The following CELF4 variants were observed in gnomAD, a reference collection of about 807,000 sequenced individuals.
CELF4 encodes CUGBP Elav-like family member 4.
In CELF4, 18 loss-of-function variants were observed where a neutral mutation model predicts 59.9. The observed-to-expected ratio is 0.30, with a 90% CI of 0.21 to 0.45. CELF4 has a LOEUF of 0.45. Among genes scored for constraint, CELF4 ranks in the 20% least tolerant of loss-of-function variants. The pLI, the probability that CELF4 is intolerant of heterozygous loss-of-function variation, is 1.00. For missense variants in CELF4, 456 were observed against 689.0 expected (o/e 0.66, Z 3.79); for synonymous variants, 261 against 267.1 (o/e 0.98, Z 0.22).
chr18:37,347,026 G>C (rs1018547394), intron 2 of CELF4, among the ~76,000 whole-genome samples: 1 of 152,102 alleles, frequency 6.6e-6, no homozygotes, highest in Non-Finnish European at 1.5e-5. Flanking sequence ...AGGCTGAAGG[G>C]GGAGGGACAG....
rs570352362 is a variant in CELF4 at position 37,377,299 on chromosome 18, G to A, written c.370-55418C>T. Reference sequence around the variant, plus strand: ...CCTCCTGCTTCTGCAGGACCCTGAGGTCTACATGTCCCAAAAAACTGCCTC... The same window carrying A: ...CCTCCTGCTTCTGCAGGACCCTGAGATCTACATGTCCCAAAAAACTGCCTC... On this transcript the variant is annotated intron_variant, in intron 2 of 12. Coordinates refer to ENST00000420428, the MANE Select transcript of CELF4 (RefSeq NM_020180.4). Among the ~76,000 whole-genome samples, 170 of 152,252 alleles carry A rather than the reference G, an allele frequency of 1.1e-3. 1 individual carries two copies. Among genetic ancestry groups the A allele is most frequent in the African/African-American group, 3.7e-3 (152 of 41,542 alleles).
chr18:37,476,620 G>A (rs767367764), intron 2 of CELF4, among the ~76,000 whole-genome samples: 6 of 152,176 alleles, frequency 3.9e-5, no homozygotes, highest in Non-Finnish European at 8.8e-5. Flanking sequence ...CACAGTTCCG[G>A]ATCCCTGCAG....
chr18:37,268,265 T>G (rs560949729), intron 8 of CELF4, among the ~76,000 whole-genome samples: 1 of 152,256 alleles, frequency 6.6e-6, no homozygotes, highest in African/African-American at 2.4e-5. Flanking sequence ...TGTCCCTCTA[T>G]TTCCCCCATG....
chr18:37,274,033 T>C, intron 6 of CELF4: 1 of 1,283,328 alleles, frequency 7.8e-7, no homozygotes, highest in Non-Finnish European at 9.8e-7. Context: ...AGGAAAAGGC[T>C]CAGGGTAACC....
intron 2 of CELF4, among the ~76,000 whole-genome samples, chr18:37,395,691 A>G (rs621118): frequency 0.83 from 127,129 of 152,264 alleles, 53,141 homozygotes; most frequent in East Asian, 0.93. Context: ...GAGGCGCTGA[A>G]GTCCAATCCA....
intron 1 of CELF4, among the ~76,000 whole-genome samples, chr18:37,528,497 T>G (rs953695820): frequency 2.6e-5 from 4 of 152,224 alleles, no homozygotes; most frequent in Admixed American, 2.6e-4. Flanking sequence ...ATGCAGCTAC[T>G]AAATGGAATG....
At chr18:37,367,812 G>T (rs189539348) in intron 2 of CELF4, among the ~76,000 whole-genome samples, 3 of 152,026 alleles carry the variant, frequency 2.0e-5, no homozygotes, top group East Asian at 3.9e-4. Flanking sequence ...CCGTGGCGCC[G>T]GTGAAGTGGG....
chr18:37,489,605 AG>A (rs1248801399), intron 1 of CELF4, among the ~76,000 whole-genome samples: 1 of 151,934 alleles, frequency 6.6e-6, no homozygotes, highest in East Asian at 1.9e-4. Flanking sequence ...TCCAGCTGAA[AG>A]GGGGGAAGGT....
At chr18:37,313,536 G>T (rs1215788712) in intron 3 of CELF4, among the ~76,000 whole-genome samples, 1 of 152,154 alleles carries the variant, frequency 6.6e-6, no homozygotes, top group Admixed American at 6.6e-5. Flanking sequence ...TTCTGGAAGG[G>T]AGAAACCCAG....
At chr18:37,333,381 C>G (rs2097630924) in intron 2 of CELF4, among the ~76,000 whole-genome samples, 1 of 151,548 alleles carries the variant, frequency 6.6e-6, no homozygotes, top group Non-Finnish European at 1.5e-5. Flanking sequence ...CCCTTCTTCC[C>G]CTCTTTCCCC....
intron 2 of CELF4, among the ~76,000 whole-genome samples, chr18:37,418,422 C>T (rs1188397320): frequency 3.3e-5 from 5 of 152,212 alleles, no homozygotes; most frequent in Non-Finnish European, 5.9e-5. Context: ...CCACCTGCCC[C>T]CCACTGAGCC....
At chr18:37,504,403 G>A (rs1482284541) in intron 1 of CELF4, among the ~76,000 whole-genome samples, 3 of 146,398 alleles carry the variant, frequency 2.0e-5, no homozygotes, top group African/African-American at 5.1e-5. Flanking sequence ...GCAGTGAGCC[G>A]AGATCACGCC....
At chr18:37,276,848 T>C (rs1246373957) in intron 3 of CELF4, among the ~76,000 whole-genome samples, 81 of 152,200 alleles carry the variant, frequency 5.3e-4, no homozygotes, top group Non-Finnish European at 1.6e-4. Flanking sequence ...TGTGGATGAT[T>C]ACATGATTGA....
intron 2 of CELF4, among the ~76,000 whole-genome samples, chr18:37,348,901 G>A (rs1308947342): frequency 6.6e-6 from 1 of 152,124 alleles, no homozygotes; most frequent in Non-Finnish European, 1.5e-5. Flanking sequence ...ACTCCCCCAG[G>A]GGAGCTGCAC....
At chr18:37,359,768 C>A (rs374553000) in intron 2 of CELF4, among the ~76,000 whole-genome samples, 1 of 152,094 alleles carries the variant, frequency 6.6e-6, no homozygotes, top group Non-Finnish European at 1.5e-5. Context: ...AGGATGGTCT[C>A]AATCTCCTGA....
chr18:37,397,724 G>A (rs985746901), intron 2 of CELF4, among the ~76,000 whole-genome samples: 2 of 152,202 alleles, frequency 1.3e-5, no homozygotes, highest in African/African-American at 2.4e-5. Flanking sequence ...AGTAGCACTG[G>A]CTGTACATGA....
intron 2 of CELF4, among the ~76,000 whole-genome samples, chr18:37,407,009 T>C (rs2099393693): frequency 6.6e-6 from 1 of 152,146 alleles, no homozygotes; most frequent in Non-Finnish European, 1.5e-5. Context: ...AGACCTCACT[T>C]TGTTAGACCT....
chr18:37,430,455 C>A (rs2099641798), intron 2 of CELF4, among the ~76,000 whole-genome samples: 1 of 152,234 alleles, frequency 6.6e-6, no homozygotes, highest in Non-Finnish European at 1.5e-5. Context: ...TCCACCCCCA[C>A]TCCACACAAA....
intron 1 of CELF4, among the ~76,000 whole-genome samples, chr18:37,526,701 G>A (rs1282307114): frequency 2.6e-5 from 4 of 152,188 alleles, no homozygotes; most frequent in Non-Finnish European, 4.4e-5. Context: ...AACTCTGGAC[G>A]TCCTTCTTGA....
Sources: allele counts gnomAD v4.1 joint callset (sites outside exome capture counted in the v4.1 genomes callset), GRCh38; gene constraint gnomAD v4.1.1; transcripts MANE v1.5; gene names NCBI Gene and HGNC (gene_info 2026-07-23, HGNC 2026-07-21).